Variants in ARHGEF7 observed in about 807,000 individuals in gnomAD.
The protein encoded by ARHGEF7 is PAK-interacting exchange factor beta.
ARHGEF7 carries 33 observed loss-of-function variants against 109.8 expected under a neutral mutation model. The observed-to-expected ratio is 0.30, with a 90% CI of 0.23 to 0.40. ARHGEF7 has a LOEUF of 0.40. ARHGEF7 is among the 10% of genes least tolerant of loss of function. The pLI, the probability that ARHGEF7 is intolerant of heterozygous loss-of-function variation, is 1.00. For missense variants in ARHGEF7, 938 were observed against 1,098.5 expected, an observed-to-expected ratio of 0.85 and a Z score of 2.07; for synonymous variants, 458 against 424.6, an observed-to-expected ratio of 1.08 and a Z score of -0.97.
At chr13:111,165,646 G>A (rs1448584839) in intron 2 of ARHGEF7, among the ~76,000 whole-genome samples, 8 of 152,198 alleles carry the variant, frequency 5.3e-5, no homozygotes, top group Admixed American at 5.2e-4. Flanking sequence ...GCTGTAGTCT[G>A]TTGAACCGAC....
rs139925353 is a variant in ARHGEF7 at position 111,139,868 on chromosome 13, C to T, written c.166-14037C>T. Among the ~76,000 whole-genome samples, 58 of 152,290 alleles carry T rather than the reference C, an allele frequency of 3.8e-4. No individual in the cohort carries two copies. In the East Asian group the frequency reaches 8.7e-3, roughly 23 times the overall value. On this transcript the variant is annotated intron_variant, in intron 1 of 21. Transcript: ENST00000646102. ...CATGGGCAGCTGGCCGCAGGCAGAG[C>T]CAGTGGCAACAGGATGCAGCCATCA...
intron 4 of ARHGEF7, among the ~76,000 whole-genome samples, chr13:111,216,879 G>A (rs2083217286): frequency 6.6e-6 from 1 of 152,220 alleles, no homozygotes; most frequent in Admixed American, 6.5e-5. Context: ...AATCAAACAG[G>A]CCCCAGCCCC....
intron 15 of ARHGEF7, among the ~76,000 whole-genome samples, chr13:111,282,536 A>G (rs1301848025): frequency 1.3e-5 from 2 of 152,216 alleles, no homozygotes; most frequent in Admixed American, 1.3e-4. Flanking sequence ...AGTGTTCAGT[A>G]AAGATCCAGA....
intron 16 of ARHGEF7, among the ~76,000 whole-genome samples, chr13:111,284,047 TTCACC>T (rs1204879416): frequency 6.6e-6 from 1 of 152,196 alleles, no homozygotes; most frequent in Non-Finnish European, 1.5e-5. Flanking sequence ...GAGAAGTACT[TTCACC>T]TGAGGAAGCT....
intron 2 of ARHGEF7, among the ~76,000 whole-genome samples, chr13:111,194,914 A>G (rs1230657135): frequency 3.9e-5 from 6 of 152,190 alleles, no homozygotes; most frequent in Non-Finnish European, 8.8e-5. Context: ...TTCCTCTGGT[A>G]TTTGAGAGAG....
At chr13:111,207,360 GT>G (rs1339235852) in intron 3 of ARHGEF7, among the ~76,000 whole-genome samples, 25 of 152,250 alleles carry the variant, frequency 1.6e-4, no homozygotes, top group African/African-American at 4.6e-4. Context: ...TAGAGATGGG[GT>G]TTCGCTGTGC....
At chr13:111,154,353 T>C (rs2076131080) in intron 2 of ARHGEF7, among the ~76,000 whole-genome samples, 1 of 152,218 alleles carries the variant, frequency 6.6e-6, no homozygotes, top group Non-Finnish European at 1.5e-5. Flanking sequence ...GCATGAACTC[T>C]GCTTTTAGAG....
At chr13:111,139,536 T>A (rs917598926) in intron 1 of ARHGEF7, among the ~76,000 whole-genome samples, 9 of 152,216 alleles carry the variant, frequency 5.9e-5, no homozygotes, top group African/African-American at 1.9e-4. Context: ...CCTGTGGCTC[T>A]TGTGGGTGCC....
At chr13:111,211,055 G>A (rs1289987470) in intron 4 of ARHGEF7, among the ~76,000 whole-genome samples, 5 of 152,198 alleles carry the variant, frequency 3.3e-5, no homozygotes, top group African/African-American at 9.6e-5. Context: ...ACTCAAGCTC[G>A]CTATCATTGC....
intron 1 of ARHGEF7, among the ~76,000 whole-genome samples, chr13:111,149,253 A>G (rs960744796): frequency 2.6e-5 from 4 of 152,112 alleles, no homozygotes; most frequent in African/African-American, 7.2e-5. Context: ...TCTGAAAAAA[A>G]AAAAGAAAAG....
At chr13:111,265,511 A>G (rs2091542851) in intron 8 of ARHGEF7, 3 of 455,726 alleles carry the variant, frequency 6.6e-6, no homozygotes, top group Non-Finnish European at 1.3e-5. Context: ...AGCGGAAAGC[A>G]GTGCTCATGA....
At chr13:111,285,254 G>T (rs1298610522) in intron 16 of ARHGEF7, among the ~76,000 whole-genome samples, 1 of 152,122 alleles carries the variant, frequency 6.6e-6, no homozygotes, top group Non-Finnish European at 1.5e-5. Flanking sequence ...CCCAAGAAAA[G>T]ACTTTTAAAG....
rs150906680 is a variant in ARHGEF7 at position 111,198,429 on chromosome 13, G to T, written c.253-6860G>T. On this transcript the variant is annotated intron_variant, in intron 2 of 21. Coordinates refer to ENST00000646102, the MANE Select transcript of ARHGEF7 (RefSeq NM_001354046.2). ...GGTGAGTGTTACAGTTCTTAAAGAT[G>T]GTGTGTCCGGAGTTTGTTCCTTCAG... Among the ~76,000 whole-genome samples the T allele has an allele frequency of 3.0e-3, 460 of 152,200 alleles. 1 individual carries two copies. The highest frequency in any genetic ancestry group is 0.011 in the South Asian group (53 of 4,824).
At chr13:111,147,309 G>A (rs1378451694) in intron 1 of ARHGEF7, among the ~76,000 whole-genome samples, 2 of 152,174 alleles carry the variant, frequency 1.3e-5, no homozygotes, top group African/African-American at 2.4e-5. Flanking sequence ...CCCATTAGTC[G>A]TGTCTGGGAA....
chr13:111,132,553 G>A (rs1259136564), intron 1 of ARHGEF7, among the ~76,000 whole-genome samples: 1 of 152,182 alleles, frequency 6.6e-6, no homozygotes, highest in African/African-American at 2.4e-5. Flanking sequence ...CTATTGTTGT[G>A]AGAATGTTAT....
chr13:111,134,315 G>A (rs2074978891), intron 1 of ARHGEF7, among the ~76,000 whole-genome samples: 2 of 152,104 alleles, frequency 1.3e-5, no homozygotes, highest in Non-Finnish European at 2.9e-5. Flanking sequence ...CCCAGTAATG[G>A]GATGGCTGGG....
intron 2 of ARHGEF7, among the ~76,000 whole-genome samples, chr13:111,164,508 A>G (rs192204274): frequency 8.5e-4 from 130 of 152,332 alleles, no homozygotes; most frequent in African/African-American, 3.1e-3. Flanking sequence ...GCTTGGTTTC[A>G]TGCTCTGCTG....
intron 2 of ARHGEF7, among the ~76,000 whole-genome samples, chr13:111,163,743 C>G (rs1012759353): frequency 1.3e-5 from 2 of 152,154 alleles, no homozygotes; most frequent in Non-Finnish European, 2.9e-5. Flanking sequence ...CCATGTTGCC[C>G]AGGCTGATCT....
intron 5 of ARHGEF7, among the ~76,000 whole-genome samples, chr13:111,221,443 ATC>A (rs1222847196): frequency 2.6e-5 from 1 of 38,770 alleles, no homozygotes; most frequent in African/African-American, 7.9e-5. Context: ...AGATATATAT[ATC>A]TATATATATA....
Sources: allele counts gnomAD v4.1 joint callset (sites outside exome capture counted in the v4.1 genomes callset), GRCh38; gene constraint gnomAD v4.1.1; transcripts MANE v1.5; gene names NCBI Gene and HGNC (gene_info 2026-07-23, HGNC 2026-07-21).